GOPC: variants seen among roughly 807,000 people sequenced by gnomAD.
The protein encoded by GOPC is golgi associated PDZ and coiled-coil motif containing, also known as Golgi-associated PDZ and coiled-coil motif-containing protein.
GOPC carries 32 observed loss-of-function variants against 51.2 expected under a neutral mutation model. The ratio of observed to expected loss-of-function variants is 0.63; its 90% CI spans 0.47 to 0.84. The LOEUF (loss-of-function observed/expected upper bound fraction) is 0.84. GOPC is among the 40% of genes least tolerant of loss of function. The pLI is 0.00. For missense variants in GOPC, 441 were observed against 555.5 expected, an observed-to-expected ratio of 0.79 and a Z score of 2.07; for synonymous variants, 190 against 205.1, an observed-to-expected ratio of 0.93 and a Z score of 0.63.
intron 6 of GOPC, 49 bp from the exon 7 acceptor site, chr6:117,569,785 G>C: frequency 1.3e-6 from 2 of 1,490,740 alleles, no homozygotes; most frequent in Non-Finnish European, 1.8e-6. Context: ...GTAAGGTACA[G>C]TTACCGATTA....
chr6:117,581,624 T>C (rs1779960648), intron 1 of GOPC, among the ~76,000 whole-genome samples: 1 of 152,230 alleles, frequency 6.6e-6, no homozygotes, highest in Non-Finnish European at 1.5e-5. Context: ...AGTATGCTTA[T>C]AAGATTTGTT....
At chr6:117,591,567 G>A (rs1180303918) in intron 1 of GOPC, among the ~76,000 whole-genome samples, 2 of 152,224 alleles carry the variant, frequency 1.3e-5, no homozygotes, top group Non-Finnish European at 2.9e-5. Flanking sequence ...AATGACGTAA[G>A]TGGAGTCTTG....
chr6:117,569,771 C>A lies in GOPC; in HGVS notation c.913-35G>T, dbSNP rs371936597. The stretch of plus-strand genomic sequence containing the variant: ...ACAAAGGGCAGTAAATTAAAGTACT[C>A]TTTGTAAGGTACAGTTACCGATTAA... On this transcript the variant is annotated intron_variant, in intron 6 of 8. Coordinates refer to ENST00000368498, the MANE Select transcript of GOPC (RefSeq NM_020399.4). The A allele has an allele frequency of 5.7e-5, 87 of 1,538,094 alleles. 1 individual carries two copies. The African/African-American group carries it at 1.0e-3, about 18-fold the overall frequency.
At chr6:117,590,864 G>GT (rs1214115035) in intron 1 of GOPC, among the ~76,000 whole-genome samples, 2 of 151,860 alleles carry the variant, frequency 1.3e-5, no homozygotes, top group Non-Finnish European at 2.9e-5. Context: ...GTTTTGTTTT[G>GT]TTTTTTGAGA....
rs1359767794 is a variant in GOPC, at chr6:117,560,305, A to G, written c.*2949T>C. On this transcript the variant is annotated 3_prime_UTR_variant, in exon 9 of 9. Transcript: ENST00000368498. ...GGAAACAAAATGTTTATTTAAAAAA[A>G]TGAGATCAATATCATTTTAATGTAG... The G allele has an allele frequency of 5.7e-6, 1 of 176,688 alleles. No homozygotes were observed. Among genetic ancestry groups the G allele is most frequent in the Admixed American group, 6.3e-5 (1 of 15,800 alleles). 10.9% of individuals were successfully genotyped at this position (176,688 alleles called of 1,614,324 possible). A position where few individuals can be genotyped will look rare whatever the true frequency, so the allele number is the denominator to read the frequency against.
At chr6:117,583,998 T>C (rs1779995567) in intron 1 of GOPC, among the ~76,000 whole-genome samples, 1 of 152,238 alleles carries the variant, frequency 6.6e-6, no homozygotes, top group African/African-American at 2.4e-5. Context: ...TTAACTCCAA[T>C]AGTCTTTGTT....
In GOPC at chr6:117,561,969, A is replaced by C. The variant is rs558434872; in HGVS notation, c.*1285T>G. On this transcript the variant is annotated 3_prime_UTR_variant, in exon 9 of 9. Transcript: ENST00000368498. Reference sequence around the variant, plus strand: ...GAAATGAAGATACTGATAATATTCTAAAAGCCTTGTAGGCTTTCTCCCACT... The same window carrying C: ...GAAATGAAGATACTGATAATATTCTCAAAGCCTTGTAGGCTTTCTCCCACT... The C allele has an allele frequency of 7.7e-5, 16 of 207,532 alleles. No homozygotes were observed. Among genetic ancestry groups the C allele is most frequent in the African/African-American group, 3.4e-4 (15 of 44,072 alleles). The allele number at this position is 207,532 out of a possible 1,614,324, so 12.9% of individuals were successfully genotyped here. A position where few individuals can be genotyped will look rare whatever the true frequency, so the allele number is the denominator to read the frequency against.
intron 6 of GOPC, among the ~76,000 whole-genome samples, chr6:117,570,445 T>C (rs976583994): frequency 4.0e-5 from 6 of 151,852 alleles, no homozygotes; most frequent in Non-Finnish European, 8.8e-5. Context: ...AAAAAGAATA[T>C]ATAACATTTG....
rs1175355761 is a variant in GOPC, at chr6:117,564,001, AG to A, written c.1259-618del. The stretch of plus-strand genomic sequence containing the variant: ...TTTTTTTCTTTTTTTTTTCTGAGAC[AG>A]GGTCTCACTCTATTGCCCAGGCTGG... On this transcript the variant is annotated intron_variant, in intron 8 of 8. Coordinates refer to ENST00000368498, the MANE Select transcript of GOPC (RefSeq NM_020399.4). Among the ~76,000 whole-genome samples the A allele has an allele frequency of 4.1e-5, 6 of 147,544 alleles. No homozygotes were observed. In the East Asian group the frequency reaches 1.2e-3, roughly 29 times the overall value.
At chr6:117,579,217 A>G (rs1284598587) in intron 1 of GOPC, among the ~76,000 whole-genome samples, 153 bp from the exon 2 acceptor site, 1 of 152,136 alleles carries the variant, frequency 6.6e-6, no homozygotes, top group Non-Finnish European at 1.5e-5. Flanking sequence ...ACATCCATCT[A>G]AACTGACAGA....
intron 1 of GOPC, among the ~76,000 whole-genome samples, chr6:117,586,876 T>A (rs1780040196): frequency 6.6e-6 from 1 of 152,238 alleles, no homozygotes; most frequent in Non-Finnish European, 1.5e-5. Flanking sequence ...GAAAGCCATT[T>A]TGATCCATTC....
In GOPC at chr6:117,588,474, C is replaced by T. The variant is rs1780064861; in HGVS notation, c.286-9410G>A. ...TATTTTTAGTAGAGATGGGGTTTCACCATGTTGGCCAGACTGGTTTTGAAC... is the reference window on the plus strand; with the variant it reads ...TATTTTTAGTAGAGATGGGGTTTCATCATGTTGGCCAGACTGGTTTTGAAC... On this transcript the variant is annotated intron_variant, in intron 1 of 8. Coordinates refer to ENST00000368498, the MANE Select transcript of GOPC (RefSeq NM_020399.4). Among the ~76,000 whole-genome samples, 3 of 152,086 alleles carry T rather than the reference C, an allele frequency of 2.0e-5. No individual in the cohort carries two copies. In the South Asian group the frequency reaches 6.2e-4, roughly 32 times the overall value.
chr6:117,580,706 C>T (rs1779944684), intron 1 of GOPC, among the ~76,000 whole-genome samples: 1 of 151,946 alleles, frequency 6.6e-6, no homozygotes, highest in African/African-American at 2.4e-5. Flanking sequence ...GTTGTACAAC[C>T]ATAGTTACTA....
At chr6:117,587,263 C>T (rs750951456) in intron 1 of GOPC, among the ~76,000 whole-genome samples, 1 of 152,116 alleles carries the variant, frequency 6.6e-6, no homozygotes, top group Non-Finnish European at 1.5e-5. Flanking sequence ...ACAGTCTAGA[C>T]AAGCAAATGT....
chr6:117,573,436 T>C (rs1779835368), intron 5 of GOPC, 31 bp downstream of exon 5: 1 of 1,593,810 alleles, frequency 6.3e-7, no homozygotes. Context: ...AAGAAGAGGC[T>C]GGGTGGGAAG....
At chr6:117,579,773 CTT>C (rs1779931632) in intron 1 of GOPC, among the ~76,000 whole-genome samples, 1 of 151,960 alleles carries the variant, frequency 6.6e-6, no homozygotes, top group Non-Finnish European at 1.5e-5. Flanking sequence ...CAAGACATGC[CTT>C]TGTTTCCTAT....
intron 3 of GOPC, 183 bp from the exon 4 acceptor site, chr6:117,575,535 T>A (rs770697034): frequency 7.9e-6 from 6 of 759,690 alleles, no homozygotes; most frequent in African/African-American, 6.8e-5. Context: ...TACTTCTAGA[T>A]AAAATAATTG....
intron 1 of GOPC, among the ~76,000 whole-genome samples, chr6:117,594,787 G>A (rs192120293): frequency 7.9e-4 from 120 of 152,290 alleles, no homozygotes; most frequent in African/African-American, 2.8e-3. Flanking sequence ...TACTAACAGA[G>A]CAATTGCTGA....
intron 1 of GOPC, among the ~76,000 whole-genome samples, chr6:117,593,616 C>T (rs1009747637): frequency 6.6e-6 from 1 of 152,124 alleles, no homozygotes; most frequent in Non-Finnish European, 1.5e-5. Context: ...CTTACTTAAT[C>T]CCTGTAAAGT....
Sources: gnomAD v4.1 joint callset for allele counts (sites outside exome capture counted in the v4.1 genomes callset) on GRCh38, gnomAD v4.1.1 for gene constraint, MANE v1.5 for transcripts, NCBI Gene and HGNC (gene_info 2026-07-23, HGNC 2026-07-21) for gene names.